The following BCL2 variants were observed in gnomAD, a reference collection of about 807,000 sequenced individuals.
The protein encoded by BCL2 is BCL2 apoptosis regulator, also known as apoptosis regulator Bcl-2.
Under a neutral mutation model 14.2 loss-of-function variants are expected in BCL2, and 1 was observed. The observed-to-expected ratio is 0.07, with a 90% CI of 0.02 to 0.33. The LOEUF is 0.33. Among genes scored for constraint, BCL2 ranks in the 10% least tolerant of loss-of-function variants. The pLI, the probability that BCL2 is intolerant of heterozygous loss-of-function variation, is 0.99. For missense variants in BCL2, 247 were observed against 305.9 expected (o/e 0.81, Z 1.44); for synonymous variants, 151 against 137.2 (o/e 1.10, Z -0.70).
chr18:63,310,278 C>G (rs565677085), intron 2 of BCL2, among the ~76,000 whole-genome samples: 34 of 152,332 alleles, frequency 2.2e-4, no homozygotes, highest in African/African-American at 7.2e-4. Flanking sequence ...GTTCTCAAAA[C>G]TATGGATTTA....
chr18:63,317,605 G>A (rs1412081695), intron 2 of BCL2: 3 of 996,794 alleles, frequency 3.0e-6, no homozygotes, highest in African/African-American at 1.7e-5. Flanking sequence ...TCTTCTAATC[G>A]GGTTGTTCTC....
intron 2 of BCL2, among the ~76,000 whole-genome samples, chr18:63,165,483 A>G (rs1915021154): frequency 6.6e-6 from 1 of 152,176 alleles, no homozygotes; most frequent in Non-Finnish European, 1.5e-5. Context: ...TTATCCCTCC[A>G]ACCACATCCC....
intron 2 of BCL2, among the ~76,000 whole-genome samples, chr18:63,152,346 G>T (rs188179062): frequency 1.3e-5 from 2 of 152,320 alleles, no homozygotes; most frequent in Non-Finnish European, 2.9e-5. Flanking sequence ...GCTCAGCAGA[G>T]CCTCTACTTG....
chr18:63,201,383 A>G (rs532070714), intron 2 of BCL2, among the ~76,000 whole-genome samples: 1 of 152,328 alleles, frequency 6.6e-6, no homozygotes, highest in African/African-American at 2.4e-5. Context: ...CCTAATAGAA[A>G]GTACCTTGGG....
At chr18:63,240,930 C>T (rs181580150) in intron 2 of BCL2, among the ~76,000 whole-genome samples, 23 of 152,308 alleles carry the variant, frequency 1.5e-4, no homozygotes, top group Admixed American at 9.1e-4. Flanking sequence ...AATGAACAAA[C>T]GAGTCAGTAA....
chr18:63,235,150 A>C (rs1329896850), intron 2 of BCL2, among the ~76,000 whole-genome samples: 3 of 152,180 alleles, frequency 2.0e-5, no homozygotes, highest in East Asian at 3.9e-4. Flanking sequence ...AAAGGAAAAA[A>C]ATTTTTAAAT....
intron 2 of BCL2, among the ~76,000 whole-genome samples, chr18:63,243,710 T>C (rs1008787073): frequency 1.3e-5 from 2 of 152,136 alleles, no homozygotes; most frequent in Non-Finnish European, 2.9e-5. Flanking sequence ...TCCTTTAAAA[T>C]AGCCTCTTAG....
At chr18:63,131,030 G>A (rs562618274) in intron 2 of BCL2, among the ~76,000 whole-genome samples, 1 of 152,092 alleles carries the variant, frequency 6.6e-6, no homozygotes. Context: ...TTTGGGGTGA[G>A]GGTGCTACTG....
chr18:63,246,934 T>G (rs1433964755), intron 2 of BCL2, among the ~76,000 whole-genome samples: 2 of 152,174 alleles, frequency 1.3e-5, no homozygotes, highest in Non-Finnish European at 2.9e-5. Flanking sequence ...CAATTAATGA[T>G]CATCTAGGTT....
chr18:63,306,740 C>A, intron 2 of BCL2, among the ~76,000 whole-genome samples: 1 of 152,158 alleles, frequency 6.6e-6, no homozygotes, highest in East Asian at 1.9e-4. Context: ...GTTGAATGGT[C>A]TTCACTCCCC....
chr18:63,241,554 T>C (rs1911001514), intron 2 of BCL2, among the ~76,000 whole-genome samples: 1 of 152,182 alleles, frequency 6.6e-6, no homozygotes, highest in South Asian at 2.1e-4. Flanking sequence ...GACACTCTCC[T>C]GGGAAAGGGG....
At chr18:63,319,983 C>T (rs1008036742), upstream of BCL2, 1 of 152,638 alleles carries the variant, frequency 6.6e-6, no homozygotes, top group Non-Finnish European at 1.5e-5. Flanking sequence ...CAGCCCGCTC[C>T]GAGCGCTGAC....
chr18:63,150,025 C>T (rs1315342086), intron 2 of BCL2, among the ~76,000 whole-genome samples: 1 of 152,130 alleles, frequency 6.6e-6, no homozygotes, highest in African/African-American at 2.4e-5. Context: ...GGATTACAGG[C>T]ACCCACCGCC....
At chr18:63,306,211 A>C (rs1403640762) in intron 2 of BCL2, among the ~76,000 whole-genome samples, 1 of 152,240 alleles carries the variant, frequency 6.6e-6, no homozygotes, top group African/African-American at 2.4e-5. Flanking sequence ...GTTCTAAAGC[A>C]TTCAGTCAAT....
At chr18:63,291,745 T>C (rs1410439638) in intron 2 of BCL2, among the ~76,000 whole-genome samples, 3 of 147,924 alleles carry the variant, frequency 2.0e-5, no homozygotes, top group Non-Finnish European at 4.5e-5. Context: ...TTTTTCTCAA[T>C]AAAGCGGGAA....
rs191536863 is a variant in BCL2 at position 63,290,957 on chromosome 18, G to A, written c.585+27125C>T. Among the ~76,000 whole-genome samples, 37 of 151,978 alleles carry A rather than the reference G, an allele frequency of 2.4e-4. No individual in the cohort carries two copies. In the East Asian group the frequency reaches 2.9e-3, roughly 12 times the overall value. On this transcript the variant is annotated intron_variant, in intron 2 of 2. Coordinates refer to ENST00000333681, the MANE Select transcript of BCL2 (RefSeq NM_000633.3). ...AAAGCCTCCGAGATGGTGATAAAGC[G>A]GCTCACCATCTGTGAACTCCTCCTC...
At chr18:63,315,954 A>G (rs1913485516) in intron 2 of BCL2, 2 of 152,594 alleles carry the variant, frequency 1.3e-5, no homozygotes, top group Admixed American at 1.3e-4. Context: ...ACCATCAACC[A>G]TCTGTGCTTC....
chr18:63,174,791 G>C (rs145857428), intron 2 of BCL2, among the ~76,000 whole-genome samples: 4,713 of 141,146 alleles, frequency 0.033, 88 homozygotes, highest in South Asian at 0.065. Context: ...CTGCACTCCA[G>C]CATGGGGGAC....
chr18:63,287,909 G>T (rs1912520762), intron 2 of BCL2, among the ~76,000 whole-genome samples: 1 of 152,168 alleles, frequency 6.6e-6, no homozygotes, highest in South Asian at 2.1e-4. Flanking sequence ...ATCCAGGAAA[G>T]CTCTATCTCA....
Sources: gnomAD v4.1 joint callset for allele counts (sites outside exome capture counted in the v4.1 genomes callset) on GRCh38, gnomAD v4.1.1 for gene constraint, MANE v1.5 for transcripts, NCBI Gene and HGNC (gene_info 2026-07-23, HGNC 2026-07-21) for gene names.